PPP6R2: variants seen among roughly 807,000 people sequenced by gnomAD.
PPP6R2 encodes the protein serine/threonine-protein phosphatase 6 regulatory subunit 2.
In PPP6R2, 62 loss-of-function variants were observed where a neutral mutation model predicts 100.2. The ratio of observed to expected loss-of-function variants is 0.62; its 90% CI spans 0.50 to 0.76. The LOEUF (loss-of-function observed/expected upper bound fraction) is 0.76, where lower values mean the gene tolerates loss of function less well. PPP6R2 is among the 30% of genes least tolerant of loss of function. The pLI is 0.00. For missense variants in PPP6R2, 1,142 were observed against 1,276.3 expected (o/e 0.89, Z 1.60); for synonymous variants, 525 against 514.7 (o/e 1.02, Z -0.27).
upstream of PPP6R2, among the ~76,000 whole-genome samples, chr22:50,338,807 C>G (rs1256071892): frequency 7.1e-3 from 316 of 44,702 alleles, 3 homozygotes; most frequent in African/African-American, 0.042. Context: ...TGTACGGTGT[C>G]TGGTGTGTGT....
chr22:50,381,630 A>G (rs1320297148), intron 2 of PPP6R2, among the ~76,000 whole-genome samples: 2 of 152,194 alleles, frequency 1.3e-5, no homozygotes, highest in African/African-American at 2.4e-5. Context: ...TATTGTAGGA[A>G]TAGAAACTGG....
At chr22:50,374,927 A>C (rs935650804) in intron 2 of PPP6R2, among the ~76,000 whole-genome samples, 1 of 151,326 alleles carries the variant, frequency 6.6e-6, no homozygotes, top group African/African-American at 2.4e-5. Flanking sequence ...AAAAAAAAAA[A>C]AAAAGAGAAA....
intron 1 of PPP6R2, among the ~76,000 whole-genome samples, chr22:50,369,668 G>C (rs1234626453): frequency 1.3e-5 from 2 of 152,008 alleles, no homozygotes; most frequent in Non-Finnish European, 2.9e-5. Context: ...CGTACGCCCG[G>C]CTAATTTTTT....
At chr22:50,422,889 C>T (rs575654574) in intron 9 of PPP6R2, among the ~76,000 whole-genome samples, 1 of 152,228 alleles carries the variant, frequency 6.6e-6, no homozygotes, top group African/African-American at 2.4e-5. Flanking sequence ...TGGTAAGATC[C>T]ACCTGTCCCA....
At position 50,435,483 on chromosome 22, in the gene PPP6R2, AG is replaced by A. The variant is rs1444352656; in HGVS notation, c.1516+404del. Among the ~76,000 whole-genome samples the A allele has an allele frequency of 8.5e-5, 13 of 152,272 alleles. No individual in the cohort carries two copies. In the East Asian group the frequency reaches 2.5e-3, roughly 29 times the overall value. On this transcript the variant is annotated intron_variant, in intron 13 of 23. Coordinates refer to ENST00000612753, the MANE Select transcript of PPP6R2 (RefSeq NM_001242898.2). ...TGATTGGAGAGTCTCATTCTCACTC[AG>A]GTGTGAGATTTCGTAGCACAAGTCT...
At chr22:50,417,070 A>G (rs2060645387) in intron 6 of PPP6R2, among the ~76,000 whole-genome samples, 1 of 152,094 alleles carries the variant, frequency 6.6e-6, no homozygotes, top group South Asian at 2.1e-4. Context: ...CTGTAGCAGT[A>G]TCAGTTTCTG....
rs1603293136 is a variant in PPP6R2 at position 50,411,969 on chromosome 22, C to T, written c.415-2583C>T. Among the ~76,000 whole-genome samples, 8 of 151,560 alleles carry T rather than the reference C, an allele frequency of 5.3e-5. No homozygotes were observed. In the South Asian group the frequency reaches 1.7e-3, roughly 32 times the overall value. ...CTGAGGCAGGAGAATGGCATGAACC[C>T]AGGAGGCGGAGCTTGCAGTGAGCCG... On this transcript the variant is annotated intron_variant, in intron 4 of 23. Transcript: ENST00000612753.
intron 1 of PPP6R2, among the ~76,000 whole-genome samples, chr22:50,357,509 T>C (rs139428952): frequency 3.3e-5 from 5 of 151,904 alleles, no homozygotes; most frequent in Admixed American, 2.6e-4. Context: ...CTCTCTTTCT[T>C]TTTTGATGAG....
At chr22:50,441,734 C>G (rs1001437075) in intron 22 of PPP6R2, among the ~76,000 whole-genome samples, 5 of 152,060 alleles carry the variant, frequency 3.3e-5, no homozygotes, top group African/African-American at 1.2e-4. Flanking sequence ...GGAGGCTGGC[C>G]GGCCCCTCCA....
chr22:50,428,708 G>A (rs1444780799), intron 10 of PPP6R2, among the ~76,000 whole-genome samples: 2 of 151,274 alleles, frequency 1.3e-5, no homozygotes, highest in African/African-American at 4.9e-5. Flanking sequence ...AACAGAGCAA[G>A]ATCCTTGCTC....
At chr22:50,358,407 G>A (rs1398010715) in intron 1 of PPP6R2, among the ~76,000 whole-genome samples, 3 of 152,192 alleles carry the variant, frequency 2.0e-5, no homozygotes, top group African/African-American at 7.2e-5. Flanking sequence ...ACCAGGTTGT[G>A]TAGATGCTGC....
At chr22:50,406,539 A>G (rs1396662475) in intron 3 of PPP6R2, 150 bp from the exon 4 acceptor site, 1 of 683,742 alleles carries the variant, frequency 1.5e-6, no homozygotes, top group Non-Finnish European at 2.5e-6. Flanking sequence ...CCAGCTGGTC[A>G]CAGGTAGTCA....
intron 12 of PPP6R2, 88 bp downstream of exon 12, chr22:50,432,417 G>GC: frequency 5.6e-6 from 7 of 1,240,962 alleles, no homozygotes; most frequent in Non-Finnish European, 8.1e-6. Context: ...GACGCTGCGT[G>GC]CAGGACTGCA....
At chr22:50,414,417 A>G in intron 4 of PPP6R2, 135 bp from the exon 5 acceptor site, 1 of 879,298 alleles carries the variant, frequency 1.1e-6, no homozygotes, top group Non-Finnish European at 1.6e-6. Context: ...GCTTTCTTAC[A>G]ATCTTGTCTG....
At position 50,388,178 on chromosome 22, in the gene PPP6R2, T is replaced by TTAA. The variant is rs201268381; in HGVS notation, c.-16-5715_-16-5714insTAA. 9.5e-5 allele frequency among the ~76,000 whole-genome samples: 14 copies of TTAA among 147,964 alleles called. No individual in the cohort carries two copies. In the East Asian group the frequency reaches 1.4e-3, roughly 15 times the overall value. The stretch of plus-strand genomic sequence containing the variant: ...TCTCTATAAAAAATTTTTTTAGGAT[T>TTAA]AAAAAAAAAAAACAGTCAGCTTGGG... On this transcript the variant is annotated intron_variant, in intron 2 of 23. Coordinates refer to ENST00000612753, the MANE Select transcript of PPP6R2 (RefSeq NM_001242898.2).
chr22:50,339,329 GGT>G (rs1365526936), upstream of PPP6R2, among the ~76,000 whole-genome samples: 7 of 112,862 alleles, frequency 6.2e-5, no homozygotes, highest in African/African-American at 7.3e-5. Context: ...TAGTGTGTGT[GGT>G]GTGTGTGGTA....
intron 6 of PPP6R2, among the ~76,000 whole-genome samples, chr22:50,416,842 G>A (rs1194506432): frequency 6.6e-6 from 1 of 151,600 alleles, no homozygotes; most frequent in African/African-American, 2.4e-5. Context: ...TGTAATCCCA[G>A]CCACTCAGGA....
chr22:50,404,626 G>A lies in PPP6R2; in HGVS notation c.228-2063G>A, dbSNP rs554347638. ...TTTTTTTTTTTTTTTTTGGAGAGAC[G>A]GAGTTTCACCATGTTGCCCAGGCTA... is the stretch of plus-strand genomic sequence containing the variant. On this transcript the variant is annotated intron_variant, in intron 3 of 23. Transcript: ENST00000612753. Among the ~76,000 whole-genome samples, 55 of 140,266 alleles carry A rather than the reference G, an allele frequency of 3.9e-4. No individual in the cohort carries two copies. In the East Asian group the frequency reaches 7.2e-3, roughly 18 times the overall value. 92.0% of individuals were successfully genotyped at this position (140,266 alleles called of 152,430 possible). A position where few individuals can be genotyped will look rare whatever the true frequency, so the allele number is the denominator to read the frequency against.
At chr22:50,358,901 G>T (rs1324939796) in intron 1 of PPP6R2, among the ~76,000 whole-genome samples, 1 of 148,272 alleles carries the variant, frequency 6.7e-6, no homozygotes, top group Non-Finnish European at 1.5e-5. Flanking sequence ...CTGTTCCATT[G>T]GTTTATTTTC....
Sources: allele counts gnomAD v4.1 joint callset (sites outside exome capture counted in the v4.1 genomes callset), GRCh38; gene constraint gnomAD v4.1.1; transcripts MANE v1.5; gene names NCBI Gene and HGNC (gene_info 2026-07-23, HGNC 2026-07-21).